MAGI1: variants seen among roughly 807,000 people sequenced by gnomAD.
MAGI1 encodes the protein membrane associated guanylate kinase, WW and PDZ domain containing 1.
In MAGI1, 58 loss-of-function variants were observed where a neutral mutation model predicts 139.9. The ratio of observed to expected loss-of-function variants is 0.41; its 90% CI spans 0.34 to 0.52. MAGI1 has a LOEUF of 0.52. Among genes scored for constraint, MAGI1 ranks in the 20% least tolerant of loss-of-function variants. MAGI1 has a pLI of 0.12. For synonymous variants in MAGI1, 812 were observed against 737.9 expected, an observed-to-expected ratio of 1.10 and a Z score of -1.63; for missense variants, 1,874 against 1,901.6, an observed-to-expected ratio of 0.99 and a Z score of 0.27.
chr3:65,422,561 C>T (rs1252551713), intron 12 of MAGI1, among the ~76,000 whole-genome samples: 8 of 152,126 alleles, frequency 5.3e-5, no homozygotes, highest in Admixed American at 6.5e-5. Flanking sequence ...TCATTCAATG[C>T]AGATGATTTT....
intron 2 of MAGI1, among the ~76,000 whole-genome samples, chr3:65,562,142 T>C (rs2080384497): frequency 6.6e-6 from 1 of 152,198 alleles, no homozygotes; most frequent in African/African-American, 2.4e-5. Flanking sequence ...AAACAGAGTA[T>C]ATATAGGGTT....
At chr3:65,492,950 C>T (rs1320647632) in intron 3 of MAGI1, among the ~76,000 whole-genome samples, 2 of 151,798 alleles carry the variant, frequency 1.3e-5, no homozygotes, top group African/African-American at 4.8e-5. Context: ...TGGTGGCAGG[C>T]GCCTGTAATC....
At chr3:65,788,608 T>G (rs1303383049) in intron 1 of MAGI1, among the ~76,000 whole-genome samples, 1 of 152,224 alleles carries the variant, frequency 6.6e-6, no homozygotes, top group African/African-American at 2.4e-5. Context: ...AGACCCTCTG[T>G]GGCAATAAAA....
At chr3:65,851,663 C>T (rs1054439080) in intron 1 of MAGI1, among the ~76,000 whole-genome samples, 10 of 151,930 alleles carry the variant, frequency 6.6e-5, no homozygotes, top group Non-Finnish European at 1.3e-4. Context: ...GTAGGAGAAT[C>T]GCTTGAACCC....
rs1254239776 is a variant in MAGI1, at chr3:65,620,789, C to T, written c.430+1183G>A. On this transcript the variant is annotated intron_variant, in intron 2 of 22. Transcript: ENST00000402939. ...AACCTTGGGGCCCTGTCCCAAGTTA[C>T]TTGCAGCAAACCTCTTCTCCTCTCA... Among the ~76,000 whole-genome samples the T allele has an allele frequency of 5.5e-4, 84 of 152,186 alleles. 1 individual carries two copies. Among genetic ancestry groups the T allele is most frequent in the South Asian group, 6.2e-4 (3 of 4,828 alleles).
intron 3 of MAGI1, among the ~76,000 whole-genome samples, chr3:65,483,400 T>A (rs2107631992): frequency 6.6e-6 from 1 of 152,324 alleles, no homozygotes; most frequent in African/African-American, 2.4e-5. Context: ...TATTCCACCT[T>A]TGCAATGGTT....
Position 65,448,060 on chromosome 3 carries a change from T to G in MAGI1, c.1043-3A>C. The G allele has an allele frequency of 1.9e-6, 3 of 1,613,932 alleles. No individual in the cohort carries two copies. The highest frequency in any genetic ancestry group is 2.5e-6 in the Non-Finnish European group (3 of 1,179,916). On this transcript the variant is annotated splice_region_variant and splice_polypyrimidine_tract_variant and intron_variant, in intron 6 of 22. Coordinates refer to ENST00000402939, the MANE Select transcript of MAGI1 (RefSeq NM_001033057.2). ...CAGCTCCTCGGTGTGTACCCCTTCT[T>G]CTCCAAAGGAATAGCAGGAATGAGA...
chr3:65,790,441 G>A (rs1170671610), intron 1 of MAGI1, among the ~76,000 whole-genome samples: 1 of 152,160 alleles, frequency 6.6e-6, no homozygotes, highest in Non-Finnish European at 1.5e-5. Flanking sequence ...GACTCCACAA[G>A]TTTTTAATCC....
chr3:65,735,359 G>A (rs2034629708), intron 1 of MAGI1, among the ~76,000 whole-genome samples: 2 of 117,878 alleles, frequency 1.7e-5, no homozygotes, highest in African/African-American at 5.9e-5. Flanking sequence ...GTCTGCACGT[G>A]TGTGTGTGTG....
chr3:65,833,322 T>C (rs908026749), intron 1 of MAGI1, among the ~76,000 whole-genome samples: 3 of 152,106 alleles, frequency 2.0e-5, no homozygotes, highest in Non-Finnish European at 4.4e-5. Flanking sequence ...TTTCACCATA[T>C]TGGCCAGGCT....
chr3:65,975,902 T>C (rs753093480), intron 1 of MAGI1, among the ~76,000 whole-genome samples: 1 of 152,204 alleles, frequency 6.6e-6, no homozygotes, highest in Admixed American at 6.5e-5. Flanking sequence ...CATGTACTAA[T>C]ACAAAATACT....
intron 2 of MAGI1, among the ~76,000 whole-genome samples, chr3:65,528,393 T>C (rs1004342623): frequency 6.6e-6 from 1 of 152,146 alleles, no homozygotes; most frequent in African/African-American, 2.4e-5. Context: ...ATGGAAGAGA[T>C]TCAATAGATA....
intron 1 of MAGI1, among the ~76,000 whole-genome samples, chr3:65,972,439 T>G (rs1483031257): frequency 7.3e-6 from 1 of 137,304 alleles, no homozygotes; most frequent in Non-Finnish European, 1.6e-5. Context: ...TACATGTTTC[T>G]TCCTTTATTA....
intron 1 of MAGI1, among the ~76,000 whole-genome samples, chr3:65,752,442 T>C (rs887566352): frequency 2.0e-5 from 3 of 152,206 alleles, no homozygotes; most frequent in African/African-American, 7.2e-5. Flanking sequence ...ACCAATCAAA[T>C]CAATGTAATT....
At chr3:65,525,206 G>A (rs775319097) in intron 2 of MAGI1, among the ~76,000 whole-genome samples, 4 of 152,072 alleles carry the variant, frequency 2.6e-5, no homozygotes, top group Non-Finnish European at 4.4e-5. Flanking sequence ...CCACTGCACC[G>A]ATGTCAAAGC....
At chr3:65,839,902 G>A (rs2058748410) in intron 1 of MAGI1, among the ~76,000 whole-genome samples, 1 of 152,138 alleles carries the variant, frequency 6.6e-6, no homozygotes, top group Non-Finnish European at 1.5e-5. Flanking sequence ...ATGCAATGAG[G>A]TATCTCTCCA....
intron 2 of MAGI1, among the ~76,000 whole-genome samples, chr3:65,563,474 C>T (rs1483212410): frequency 1.3e-5 from 2 of 152,142 alleles, no homozygotes; most frequent in African/African-American, 2.4e-5. Context: ...TCATAAAAGA[C>T]ATTAAAACTT....
intron 21 of MAGI1, among the ~76,000 whole-genome samples, chr3:65,361,677 G>A (rs1208173101): frequency 2.6e-5 from 4 of 152,200 alleles, no homozygotes; most frequent in Non-Finnish European, 5.9e-5. Flanking sequence ...TGTGAGCTAC[G>A]TCAAGTGACT....
rs575489438 is a variant in MAGI1, at chr3:65,749,292, T to C, written c.314-127204A>G. ...CTGTTACCATAGCTATCCTTATAAC[T>C]GAGCATCCATCAAATAAGGTGAAGG... is the stretch of plus-strand genomic sequence containing the variant. On this transcript the variant is annotated intron_variant, in intron 1 of 22. Transcript: ENST00000402939. Among the ~76,000 whole-genome samples the C allele has an allele frequency of 2.0e-5, 3 of 152,312 alleles. No homozygotes were observed. The South Asian group carries it at 6.2e-4, about 32-fold the overall frequency.
Sources: gnomAD v4.1 joint callset for allele counts (sites outside exome capture counted in the v4.1 genomes callset) on GRCh38, gnomAD v4.1.1 for gene constraint, MANE v1.5 for transcripts, NCBI Gene and HGNC (gene_info 2026-07-23, HGNC 2026-07-21) for gene names.